RAB6B: variants seen among roughly 807,000 people sequenced by gnomAD.
RAB6B encodes the protein ras-related protein Rab-6B.
Under a neutral mutation model 31.2 loss-of-function variants are expected in RAB6B, and 7 were observed. That is an observed-to-expected ratio of 0.22 (90% confidence interval 0.13 to 0.42). The LOEUF (loss-of-function observed/expected upper bound fraction) is 0.42. RAB6B is among the 10% of genes least tolerant of loss of function. The pLI is 1.00. For synonymous variants in RAB6B, 105 were observed against 104.9 expected, an observed-to-expected ratio of 1.00 and a Z score of -0.01; for missense variants, 149 against 280.6, an observed-to-expected ratio of 0.53 and a Z score of 3.35.
intron 2 of RAB6B, among the ~76,000 whole-genome samples, chr3:133,845,054 C>A (rs1468803327): frequency 6.6e-6 from 1 of 152,094 alleles, no homozygotes; most frequent in East Asian, 1.9e-4. Flanking sequence ...CCCAGTCCCA[C>A]CAAATTAAAA....
In RAB6B at chr3:133,895,531, T is replaced by C. The variant is rs373867086; in HGVS notation, c.-65A>G. 1.4e-3 allele frequency: 2,185 copies of C among 1,533,510 alleles called. 25 individuals carry two copies. In the African/African-American group the frequency reaches 0.026, roughly 18 times the overall value. The allele number at this position is 1,533,510 out of a possible 1,614,324, so 95.0% of individuals were successfully genotyped here. On this transcript the variant is annotated 5_prime_UTR_variant, in exon 1 of 8. Transcript: ENST00000285208. The stretch of plus-strand genomic sequence containing the variant: ...AAGCGAAGGAGCAGGGAGGGGAGAG[T>C]AGGAGGGCGAGGGGAGGCGGCCGGC...
chr3:133,869,031 C>T (rs998068949), intron 1 of RAB6B, among the ~76,000 whole-genome samples: 2 of 152,062 alleles, frequency 1.3e-5, no homozygotes, highest in African/African-American at 4.8e-5. Flanking sequence ...ATCCCAAAGG[C>T]AGGGGTGCAG....
intron 2 of RAB6B, among the ~76,000 whole-genome samples, chr3:133,862,001 T>C (rs1167854726): frequency 6.6e-6 from 1 of 152,110 alleles, no homozygotes; most frequent in African/African-American, 2.4e-5. Flanking sequence ...AAAATAACAT[T>C]TCCCCTTCTC....
chr3:133,863,843 T>C (rs1936196665), intron 2 of RAB6B, among the ~76,000 whole-genome samples: 1 of 152,192 alleles, frequency 6.6e-6, no homozygotes, highest in Non-Finnish European at 1.5e-5. Context: ...ATGATTAAGT[T>C]TGGTGCCTTT....
rs1935609854 is a variant in RAB6B, at chr3:133,828,665, C to T, written c.*123G>A. 6 of 594,264 alleles carry T rather than the reference C, an allele frequency of 1.0e-5. No homozygotes were observed. Among genetic ancestry groups the T allele is most frequent in the South Asian group, 7.0e-5 (5 of 71,722 alleles). 36.8% of individuals were successfully genotyped at this position (594,264 alleles called of 1,614,324 possible). On this transcript the variant is annotated 3_prime_UTR_variant, in exon 8 of 8. Coordinates refer to ENST00000285208, the MANE Select transcript of RAB6B (RefSeq NM_016577.4). ...CCCCATCCCACCCTACTCCTAAAGA[C>T]AGAGAGAAAAGAAAAATCCTCCCAT...
intron 1 of RAB6B, among the ~76,000 whole-genome samples, chr3:133,883,914 G>C (rs1936503006): frequency 1.3e-5 from 2 of 152,246 alleles, no homozygotes; most frequent in Admixed American, 6.5e-5. Context: ...AGAGGGACCA[G>C]AGGAGGCTGG....
At position 133,883,366 on chromosome 3, in the gene RAB6B, G is replaced by C. The variant is rs79677197; in HGVS notation, c.70+12031C>G. Among the ~76,000 whole-genome samples, 216 of 152,298 alleles carry C rather than the reference G, an allele frequency of 1.4e-3. 5 individuals are homozygous for C. The East Asian group carries it at 0.04, about 28-fold the overall frequency. ...TTGTCCTCCACACAAACACAGAACTGGTCCATCGTCCTGTGCCCCCATACT... is the reference window on the plus strand; with the variant it reads ...TTGTCCTCCACACAAACACAGAACTCGTCCATCGTCCTGTGCCCCCATACT... On this transcript the variant is annotated intron_variant, in intron 1 of 7. Transcript: ENST00000285208.
At chr3:133,854,915 G>A (rs907990886) in intron 2 of RAB6B, among the ~76,000 whole-genome samples, 1 of 152,230 alleles carries the variant, frequency 6.6e-6, no homozygotes, top group African/African-American at 2.4e-5. Context: ...CAGTAATAAA[G>A]TCTGCAATGG....
intron 2 of RAB6B, among the ~76,000 whole-genome samples, chr3:133,844,830 C>T (rs1935883898): frequency 6.6e-6 from 1 of 151,886 alleles, no homozygotes; most frequent in South Asian, 2.1e-4. Context: ...GTAGTCCCAG[C>T]TACTTGTGAG....
intron 2 of RAB6B, among the ~76,000 whole-genome samples, chr3:133,855,005 C>T (rs1194462841): frequency 6.6e-6 from 1 of 152,218 alleles, no homozygotes; most frequent in East Asian, 1.9e-4. Flanking sequence ...ATGTTACGTG[C>T]GTCTTCTTTT....
chr3:133,842,698 G>T (rs961386668), intron 2 of RAB6B, among the ~76,000 whole-genome samples: 42 of 152,156 alleles, frequency 2.8e-4, no homozygotes, highest in Non-Finnish European at 6.0e-4. Context: ...AACTCAAATA[G>T]ATCTATGAGT....
At chr3:133,875,257 A>T (rs1276151199) in intron 1 of RAB6B, among the ~76,000 whole-genome samples, 1 of 149,140 alleles carries the variant, frequency 6.7e-6, no homozygotes, top group African/African-American at 2.5e-5. Context: ...CATATTCATT[A>T]CTTCACAGTT....
At chr3:133,879,118 T>C (rs1423440053) in intron 1 of RAB6B, among the ~76,000 whole-genome samples, 1 of 152,222 alleles carries the variant, frequency 6.6e-6, no homozygotes, top group Non-Finnish European at 1.5e-5. Flanking sequence ...AAAATGCCTA[T>C]CTCACAGAAT....
intron 1 of RAB6B, among the ~76,000 whole-genome samples, chr3:133,887,634 G>T (rs1426402437): frequency 3.3e-5 from 5 of 152,164 alleles, no homozygotes; most frequent in Non-Finnish European, 5.9e-5. Flanking sequence ...GCCTTGAGGG[G>T]ATACACGGAG....
At chr3:133,883,134 G>A (rs1180532192) in intron 1 of RAB6B, among the ~76,000 whole-genome samples, 1 of 152,196 alleles carries the variant, frequency 6.6e-6, no homozygotes, top group Non-Finnish European at 1.5e-5. Flanking sequence ...CAGCAGCCCA[G>A]AGACAGTCTG....
At chr3:133,884,819 C>T (rs1012339807) in intron 1 of RAB6B, among the ~76,000 whole-genome samples, 5 of 148,602 alleles carry the variant, frequency 3.4e-5, no homozygotes, top group Non-Finnish European at 1.5e-5. Flanking sequence ...ATGAGGGGCT[C>T]ACACACCAAT....
chr3:133,884,379 T>C (rs529319718), intron 1 of RAB6B, among the ~76,000 whole-genome samples: 41 of 152,342 alleles, frequency 2.7e-4, no homozygotes, highest in Admixed American at 2.3e-3. Flanking sequence ...AACGGCAGTG[T>C]CTGCCTCTAC....
chr3:133,879,589 T>C (rs1936439620), intron 1 of RAB6B, among the ~76,000 whole-genome samples: 1 of 152,230 alleles, frequency 6.6e-6, no homozygotes, highest in Non-Finnish European at 1.5e-5. Flanking sequence ...TCACAGGCCC[T>C]GGTATGGTAG....
intron 2 of RAB6B, among the ~76,000 whole-genome samples, chr3:133,844,725 C>T (rs1935882940): frequency 6.6e-6 from 1 of 152,052 alleles, no homozygotes; most frequent in East Asian, 1.9e-4. Flanking sequence ...ATCACTTGAG[C>T]CCAGGAGTTT....
Sources: gnomAD v4.1 joint callset for allele counts (sites outside exome capture counted in the v4.1 genomes callset) on GRCh38, gnomAD v4.1.1 for gene constraint, MANE v1.5 for transcripts, NCBI Gene and HGNC (gene_info 2026-07-23, HGNC 2026-07-21) for gene names.